Variants in RAPGEF4 observed in about 807,000 individuals in gnomAD.
The protein encoded by RAPGEF4 is Rap guanine nucleotide exchange factor 4.
A neutral mutation model predicts 147.9 loss-of-function variants in RAPGEF4; 66 were observed. That is an observed-to-expected ratio of 0.45 (90% CI 0.37 to 0.55). The LOEUF (loss-of-function observed/expected upper bound fraction) is 0.55. Among genes scored for constraint, RAPGEF4 ranks in the 20% least tolerant of loss-of-function variants. The pLI is 0.00. For synonymous variants in RAPGEF4, 419 were observed against 442.7 expected (o/e 0.95, Z 0.67); for missense variants, 1,071 against 1,257.3 (o/e 0.85, Z 2.24).
At chr2:172,926,816 C>G (rs1359924271) in intron 6 of RAPGEF4, among the ~76,000 whole-genome samples, 1 of 152,136 alleles carries the variant, frequency 6.6e-6, no homozygotes, top group East Asian at 1.9e-4. Flanking sequence ...GTGATCTGCC[C>G]GACTCAGCCT....
Position 172,974,544 on chromosome 2 carries a change from C to G in RAPGEF4, c.1004+7100C>G, listed in dbSNP as rs564624641. Among the ~76,000 whole-genome samples the G allele has an allele frequency of 9.4e-4, 143 of 152,090 alleles. No individual in the cohort carries two copies. In the South Asian group the frequency reaches 0.011, roughly 12 times the overall value. On this transcript the variant is annotated intron_variant, in intron 10 of 30. Coordinates refer to ENST00000397081, the MANE Select transcript of RAPGEF4 (RefSeq NM_007023.4). The stretch of plus-strand genomic sequence containing the variant: ...ACAAAAAATACAAAAATCAGCCAGG[C>G]GTAATGGTGCATGCCTGTAATCCCA...
At chr2:172,832,828 A>ATGT (rs1290256208) in intron 4 of RAPGEF4, among the ~76,000 whole-genome samples, 1 of 152,242 alleles carries the variant, frequency 6.6e-6, no homozygotes, top group Non-Finnish European at 1.5e-5. Flanking sequence ...CTTTACTTTA[A>ATGT]TGTCATTATT....
chr2:172,939,643 T>C (rs1397036936), intron 6 of RAPGEF4, among the ~76,000 whole-genome samples: 1 of 152,054 alleles, frequency 6.6e-6, no homozygotes, highest in Non-Finnish European at 1.5e-5. Context: ...CCAACATTCA[T>C]TTTTTTTCTT....
chr2:172,957,769 C>A (rs1196020162), intron 6 of RAPGEF4, among the ~76,000 whole-genome samples: 1 of 152,148 alleles, frequency 6.6e-6, no homozygotes, highest in Non-Finnish European at 1.5e-5. Context: ...GATGAAATAC[C>A]CTCTTGGTCC....
At chr2:172,991,461 T>C (rs1282716943) in intron 15 of RAPGEF4, among the ~76,000 whole-genome samples, 1 of 152,238 alleles carries the variant, frequency 6.6e-6, no homozygotes, top group Non-Finnish European at 1.5e-5. Flanking sequence ...GGCCATTAGC[T>C]TCACATTTCT....
At chr2:172,953,258 ATTAT>A (rs1688397431) in intron 6 of RAPGEF4, among the ~76,000 whole-genome samples, 1 of 147,718 alleles carries the variant, frequency 6.8e-6, no homozygotes, top group South Asian at 2.1e-4. Context: ...TATTATATCT[ATTAT>A]TTATTTTATA....
At chr2:172,846,321 T>C (rs1280251239) in intron 4 of RAPGEF4, among the ~76,000 whole-genome samples, 2 of 152,210 alleles carry the variant, frequency 1.3e-5, no homozygotes, top group African/African-American at 4.8e-5. Context: ...GGACATTTCA[T>C]AGAAGTGAAA....
chr2:172,885,117 C>A (rs1697042483), intron 4 of RAPGEF4, among the ~76,000 whole-genome samples: 1 of 152,236 alleles, frequency 6.6e-6, no homozygotes, highest in Non-Finnish European at 1.5e-5. Flanking sequence ...ACAGACACTT[C>A]AGGGATCTGA....
chr2:172,969,272 T>C (rs1690206466), intron 10 of RAPGEF4, among the ~76,000 whole-genome samples: 1 of 152,246 alleles, frequency 6.6e-6, no homozygotes, highest in African/African-American at 2.4e-5. Context: ...TGCTAAGGCA[T>C]TAAGGTAAAC....
chr2:172,855,185 T>A (rs1320984479), intron 4 of RAPGEF4, among the ~76,000 whole-genome samples: 1 of 152,150 alleles, frequency 6.6e-6, no homozygotes, highest in South Asian at 2.1e-4. Flanking sequence ...AATTTTTCCA[T>A]TGGCTTTTCA....
intron 10 of RAPGEF4, among the ~76,000 whole-genome samples, chr2:172,971,642 T>C (rs1347695313): frequency 6.6e-6 from 1 of 152,192 alleles, no homozygotes; most frequent in Non-Finnish European, 1.5e-5. Flanking sequence ...CAGTTTCTTC[T>C]TTTGACTCTT....
chr2:172,763,594 C>G (rs968561215), intron 1 of RAPGEF4, among the ~76,000 whole-genome samples: 8 of 152,134 alleles, frequency 5.3e-5, no homozygotes, highest in African/African-American at 1.7e-4. Context: ...TCATCTCATT[C>G]AGATGATTTA....
rs947759290 is a variant in RAPGEF4, at chr2:172,758,858, C to G, written c.65+22810C>G. ...CTGGAGTTTGGGAGAGAGGTCTGAG[C>G]TGGAGATATACATTTGGGGATCATT... is the stretch of plus-strand genomic sequence containing the variant. On this transcript the variant is annotated intron_variant, in intron 1 of 30. Transcript: ENST00000397081. 3.9e-5 allele frequency among the ~76,000 whole-genome samples: 6 copies of G among 152,042 alleles called. No individual in the cohort carries two copies. The East Asian group carries it at 1.2e-3, about 29-fold the overall frequency.
chr2:172,810,581 G>T (rs1002379494), intron 3 of RAPGEF4, among the ~76,000 whole-genome samples: 1 of 152,218 alleles, frequency 6.6e-6, no homozygotes, highest in Admixed American at 6.5e-5. Flanking sequence ...GGAGGAAAAA[G>T]CCAGATGGCG....
chr2:172,902,259 A>G (rs763514565), intron 4 of RAPGEF4, among the ~76,000 whole-genome samples: 2 of 152,088 alleles, frequency 1.3e-5, no homozygotes, highest in Non-Finnish European at 2.9e-5. Flanking sequence ...GGAGATTTGT[A>G]GAGCTGGGAT....
At chr2:172,878,748 G>A (rs555128225) in intron 4 of RAPGEF4, among the ~76,000 whole-genome samples, 81 of 152,160 alleles carry the variant, frequency 5.3e-4, no homozygotes, top group African/African-American at 1.9e-3. Context: ...GAAAAAATGG[G>A]CAACAATGTG....
intron 11 of RAPGEF4, 60 bp downstream of exon 11, chr2:172,983,640 C>G (rs929989157): frequency 1.3e-6 from 2 of 1,599,244 alleles, no homozygotes; most frequent in Non-Finnish European, 1.7e-6. Context: ...ACTGTTAGGA[C>G]AGAGGAGAGT....
At chr2:172,903,165 T>C (rs1382592535) in intron 4 of RAPGEF4, among the ~76,000 whole-genome samples, 1 of 151,898 alleles carries the variant, frequency 6.6e-6, no homozygotes, top group Non-Finnish European at 1.5e-5. Flanking sequence ...GGTCAGGAGA[T>C]CGAGATCAGC....
chr2:172,852,796 A>T (rs1285286257), intron 4 of RAPGEF4, among the ~76,000 whole-genome samples: 1 of 152,016 alleles, frequency 6.6e-6, no homozygotes, highest in East Asian at 1.9e-4. Context: ...TTTTATTTTT[A>T]ATTTGATGAG....
Sources: allele counts gnomAD v4.1 joint callset (sites outside exome capture counted in the v4.1 genomes callset), GRCh38; gene constraint gnomAD v4.1.1; transcripts MANE v1.5; gene names NCBI Gene and HGNC (gene_info 2026-07-23, HGNC 2026-07-21).